The following OR13A1 variants were observed in gnomAD, a reference collection of about 807,000 sequenced individuals.
OR13A1 encodes olfactory receptor 13A1.
OR13A1 carries 10 observed loss-of-function variants against 7.5 expected under a neutral mutation model. The ratio of observed to expected loss-of-function variants is 1.34; its 90% CI spans 0.83 to 2.27. The LOEUF (loss-of-function observed/expected upper bound fraction) is 2.27. Ranked by LOEUF, OR13A1 falls within the 30% of genes most tolerant of loss-of-function variation. OR13A1 has a pLI of 0.00. For missense variants in OR13A1, 509 were observed against 419.1 expected, an observed-to-expected ratio of 1.21 and a Z score of -1.87; for synonymous variants, 238 against 177.9, an observed-to-expected ratio of 1.34 and a Z score of -2.69.
intron 1 of OR13A1, among the ~76,000 whole-genome samples, chr10:45,311,527 T>C (rs1467206112): frequency 2.0e-5 from 3 of 152,072 alleles, no homozygotes; most frequent in African/African-American, 7.2e-5. Context: ...CCATACTAGG[T>C]ATAATTTGCA....
intron 1 of OR13A1, among the ~76,000 whole-genome samples, chr10:45,308,317 C>T (rs1838378146): frequency 1.3e-5 from 2 of 152,214 alleles, no homozygotes; most frequent in African/African-American, 4.8e-5. Context: ...ATTAGTGACA[C>T]AGCTAGTATC....
intron 1 of OR13A1, among the ~76,000 whole-genome samples, chr10:45,311,714 GA>G (rs1838450959): frequency 1.3e-5 from 2 of 152,014 alleles, no homozygotes; most frequent in South Asian, 4.1e-4. Context: ...GAGAGGAACA[GA>G]AAAACAACTA....
intron 1 of OR13A1, among the ~76,000 whole-genome samples, chr10:45,308,349 A>G (rs970434500): frequency 1.3e-5 from 2 of 152,252 alleles, no homozygotes; most frequent in African/African-American, 4.8e-5. Flanking sequence ...CTGTGGGACT[A>G]CAGTCCAGAA....
intron 3 of OR13A1, among the ~76,000 whole-genome samples, chr10:45,305,252 T>TA (rs903859516): frequency 4.0e-5 from 6 of 149,736 alleles, no homozygotes; most frequent in Admixed American, 6.7e-5. Flanking sequence ...GTTTTAATTT[T>TA]AAAAAAAGGA....
At chr10:45,309,739 ATTAG>A in intron 1 of OR13A1, among the ~76,000 whole-genome samples, 1 of 152,248 alleles carries the variant, frequency 6.6e-6, no homozygotes. Flanking sequence ...TTTCTTCCAT[ATTAG>A]TTAGCAAGCA....
At chr10:45,314,224 A>G (rs1838489040) in intron 1 of OR13A1, among the ~76,000 whole-genome samples, 1 of 152,188 alleles carries the variant, frequency 6.6e-6, no homozygotes. Context: ...AAATAAAAAT[A>G]CAATGTACCA....
chr10:45,309,514 G>T (rs531655304), intron 1 of OR13A1, among the ~76,000 whole-genome samples: 63 of 152,178 alleles, frequency 4.1e-4, no homozygotes, highest in South Asian at 8.3e-4. Context: ...GGCTCTGGAG[G>T]CAATAACATG....
intron 1 of OR13A1, among the ~76,000 whole-genome samples, chr10:45,312,137 T>C (rs181550959): frequency 1.3e-5 from 2 of 152,040 alleles, no homozygotes; most frequent in Non-Finnish European, 2.9e-5. Flanking sequence ...CTAATATACA[T>C]ATAATTAGAC....
chr10:45,310,809 G>C (rs951824509), intron 1 of OR13A1, among the ~76,000 whole-genome samples: 2 of 151,886 alleles, frequency 1.3e-5, no homozygotes, highest in South Asian at 2.1e-4. Flanking sequence ...AAAAGAAGAG[G>C]GTGAAAGAGG....
rs930856594 is a variant in OR13A1 at position 45,307,570 on chromosome 10, G to GA, written c.-154-4dup. On this transcript the variant is annotated splice_region_variant and splice_polypyrimidine_tract_variant and intron_variant, in intron 2 of 3. Transcript: ENST00000553795. ...ACAGCCTCAGCCAGTCATTTCTTCT[G>GA]AAAAATAACAAAGACCTTGCTCCCT... 3 of 152,132 alleles carry GA rather than the reference G, an allele frequency of 2.0e-5. No individual in the cohort carries two copies. Among genetic ancestry groups the GA allele is most frequent in the African/African-American group, 7.2e-5 (3 of 41,426 alleles). 9.4% of individuals were successfully genotyped at this position (152,132 alleles called of 1,614,324 possible).
At chr10:45,313,442 T>A (rs943859847) in intron 1 of OR13A1, among the ~76,000 whole-genome samples, 1 of 151,960 alleles carries the variant, frequency 6.6e-6, no homozygotes, top group Admixed American at 6.6e-5. Flanking sequence ...TATCAGTAAT[T>A]ACTTTAAATG....
chr10:45,312,039 A>G (rs1428521360), intron 1 of OR13A1, among the ~76,000 whole-genome samples: 3 of 152,138 alleles, frequency 2.0e-5, no homozygotes, highest in African/African-American at 4.8e-5. Context: ...CAAATTAGGG[A>G]AAAGTATAAT....
chr10:45,311,928 A>G (rs1032355773), intron 1 of OR13A1, among the ~76,000 whole-genome samples: 5 of 152,236 alleles, frequency 3.3e-5, no homozygotes, highest in Non-Finnish European at 7.3e-5. Context: ...CAAAGAAGAT[A>G]TAAAAAGATG....
At position 45,303,089 on chromosome 10, in the gene OR13A1, T is replaced by A. The variant is rs569325712; in HGVS notation, c.*347A>T. On this transcript the variant is annotated 3_prime_UTR_variant, in exon 4 of 4. Transcript: ENST00000553795. ...TGAATTCTAGGTGTGATTTTAGAAT[T>A]TACACCCTGAGTGTTGTACATACAA... 8.7e-5 allele frequency: 17 copies of A among 195,152 alleles called. No individual in the cohort carries two copies. Among genetic ancestry groups the A allele is most frequent in the Non-Finnish European group, 1.7e-4 (16 of 96,148 alleles). The allele number at this position is 195,152 out of a possible 1,614,324, so 12.1% of individuals were successfully genotyped here. A position where few individuals can be genotyped will look rare whatever the true frequency, so the allele number is the denominator to read the frequency against.
Position 45,304,197 on chromosome 10 carries a change from G to C in OR13A1, c.226C>G (p.Pro76Ala), listed in dbSNP as rs373576558. The change falls in exon 4 of 4, where the codon CCT (proline) becomes GCT (alanine). Residue 76 changes from proline (P) to alanine (A), a missense_variant. Physicochemically the swap from Pro to Ala is conservative, Grantham distance 27. Transcript: ENST00000553795. ...AITFNPGLHA[P>A]MYFFLLNLAT... Reference sequence around the variant, plus strand: ...AAGTTGAGTAAGAAAAAGTACATAGGAGCGTGGAGCCCAGGGTTGAACGTG... The same window carrying C: ...AAGTTGAGTAAGAAAAAGTACATAGCAGCGTGGAGCCCAGGGTTGAACGTG... 7 of 1,614,096 alleles carry C rather than the reference G, an allele frequency of 4.3e-6. No homozygotes were observed. The highest frequency in any genetic ancestry group is 1.1e-5 in the South Asian group (1 of 91,088).
rs1838268536 is a variant in OR13A1 at position 45,303,967 on chromosome 10, G to A, written c.456C>T (p.Ser152=). The change falls in exon 4 of 4, where the codon AGC becomes AGT. Residue 152 remains serine, a synonymous_variant. Coordinates refer to ENST00000553795, the MANE Select transcript of OR13A1 (RefSeq NM_001004297.3). ...AAICHPLHYS[S]MMSKVFCSGL... ...CGCTGCAGAACACCTTGCTCATCATGCTGCTGTAATGCAGCGGGTGGCAGA... is the reference window on the plus strand; with the variant it reads ...CGCTGCAGAACACCTTGCTCATCATACTGCTGTAATGCAGCGGGTGGCAGA... 6.2e-7 allele frequency: 1 copy of A among 1,613,626 alleles called. No individual in the cohort carries two copies. Among genetic ancestry groups the A allele is most frequent in the African/African-American group, 1.3e-5 (1 of 74,946 alleles).
intron 1 of OR13A1, among the ~76,000 whole-genome samples, chr10:45,312,571 A>AT (rs1838464051): frequency 8.6e-6 from 1 of 116,608 alleles, no homozygotes; most frequent in Non-Finnish European, 1.9e-5. Context: ...GAAGATATGA[A>AT]CAAAAAAAAA....
chr10:45,313,716 T>A (rs540795894), intron 1 of OR13A1, among the ~76,000 whole-genome samples: 1 of 151,902 alleles, frequency 6.6e-6, no homozygotes, highest in African/African-American at 2.4e-5. Flanking sequence ...CAGAAAGATA[T>A]AACAATTACA....
chr10:45,315,519 C>G lies in OR13A1; in HGVS notation c.-225+5G>C, dbSNP rs746991798. 2.6e-5 allele frequency: 4 copies of G among 151,948 alleles called. No homozygotes were observed. The highest frequency in any genetic ancestry group is 5.9e-5 in the Non-Finnish European group (4 of 67,984). 9.4% of individuals were successfully genotyped at this position (151,948 alleles called of 1,614,324 possible). ...CATATATGAAAAATCCACAGGTAAA[C>G]TTACACTCAATGGTAAAAGATTCAA... On this transcript the variant is annotated splice_donor_5th_base_variant and intron_variant, in intron 1 of 3. Transcript: ENST00000553795.
Sources: allele counts gnomAD v4.1 joint callset (sites outside exome capture counted in the v4.1 genomes callset), GRCh38; gene constraint gnomAD v4.1.1; transcripts MANE v1.5; gene names NCBI Gene and HGNC (gene_info 2026-07-23, HGNC 2026-07-21).